Variants in CCDC7 observed in about 807,000 individuals in gnomAD.
CCDC7 encodes coiled-coil domain containing 7, also known as coiled-coil domain-containing protein 7.
CCDC7 carries 183 observed loss-of-function variants against 196.9 expected under a neutral mutation model. That is an observed-to-expected ratio of 0.93 (90% confidence interval 0.82 to 1.05). The LOEUF is 1.05. CCDC7 is among the 50% of genes least tolerant of loss of function. The pLI, the probability that CCDC7 is intolerant of heterozygous loss-of-function variation, is 0.00. For synonymous variants in CCDC7, 525 were observed against 484.6 expected (o/e 1.08, Z -1.10); for missense variants, 1,540 against 1,482.2 (o/e 1.04, Z -0.64).
intron 5 of CCDC7, among the ~76,000 whole-genome samples, chr10:32,466,650 C>T (rs1299551948): frequency 6.6e-6 from 1 of 152,162 alleles, no homozygotes; most frequent in African/African-American, 2.4e-5. Context: ...ATATGTACCA[C>T]GTTTTCTTTA....
chr10:32,625,806 A>G (rs2063966059), intron 18 of CCDC7, among the ~76,000 whole-genome samples: 1 of 149,790 alleles, frequency 6.7e-6, no homozygotes, highest in Non-Finnish European at 1.5e-5. Flanking sequence ...TTCCACATGT[A>G]AGTGAAAACA....
intron 3 of CCDC7, among the ~76,000 whole-genome samples, chr10:32,457,677 A>G (rs1006165981): frequency 7.2e-5 from 11 of 152,148 alleles, no homozygotes; most frequent in African/African-American, 2.7e-4. Flanking sequence ...TTTTCTCTGC[A>G]TCCTTGTCAG....
intron 20 of CCDC7, among the ~76,000 whole-genome samples, chr10:32,640,605 T>G (rs1485354914): frequency 1.3e-5 from 2 of 152,172 alleles, no homozygotes; most frequent in Admixed American, 6.5e-5. Flanking sequence ...TCCTAGCCTC[T>G]ATGGTCTTTA....
chr10:32,571,946 A>G (rs2057616294), intron 16 of CCDC7, 53 bp downstream of exon 17: 1 of 1,485,422 alleles, frequency 6.7e-7, no homozygotes, highest in East Asian at 2.5e-5. Flanking sequence ...TTATCAGTTC[A>G]CATACCTAAG....
intron 18 of CCDC7, among the ~76,000 whole-genome samples, chr10:32,625,040 T>C (rs906331013): frequency 7.0e-6 from 1 of 142,006 alleles, no homozygotes; most frequent in African/African-American, 2.6e-5. Context: ...GAGGTTCTAC[T>C]TGTTTATTTT....
At position 32,643,937 on chromosome 10, in the gene CCDC7, C is replaced by T. The variant is rs2067299501; in HGVS notation, c.2014+8779C>T. The stretch of plus-strand genomic sequence containing the variant: ...CATTTAATTGAATTGTGGTCTTTTA[C>T]TTAAATTTTTATAAAAATGAATGGA... On this transcript the variant is annotated intron_variant, in intron 20 of 41. Transcript: ENST00000639629. 4.6e-5 allele frequency among the ~76,000 whole-genome samples: 7 copies of T among 151,372 alleles called. No homozygotes were observed. In the South Asian group the frequency reaches 1.5e-3, roughly 32 times the overall value.
At chr10:32,540,913 T>C (rs1488887020) in intron 11 of CCDC7, among the ~76,000 whole-genome samples, 2 of 152,172 alleles carry the variant, frequency 1.3e-5, no homozygotes, top group Non-Finnish European at 1.5e-5. Flanking sequence ...TTGAATGTTG[T>C]CCTCTCTAGC....
chr10:32,836,369 C>T (rs930879654), intron 33 of CCDC7, among the ~76,000 whole-genome samples: 1 of 152,046 alleles, frequency 6.6e-6, no homozygotes, highest in African/African-American at 2.4e-5. Context: ...AAATCAATAT[C>T]TAGATTTTTC....
exon 41 of CCDC7, chr10:32,854,456 G>A: frequency 6.2e-7 from 1 of 1,605,944 alleles, no homozygotes; most frequent in Non-Finnish European, 8.5e-7. Flanking sequence ...TCTGCCTACT[G>A]TGACCAATAC....
intron 41 of CCDC7, 38 bp from the exon 43 acceptor site, chr10:32,876,309 A>C: frequency 1.3e-6 from 2 of 1,529,538 alleles, no homozygotes; most frequent in Non-Finnish European, 1.8e-6. Context: ...GAGTAAAATT[A>C]AACTTTTTTT....
At chr10:32,723,847 C>T (rs2082739224) in intron 25 of CCDC7, among the ~76,000 whole-genome samples, 2 of 152,034 alleles carry the variant, frequency 1.3e-5, no homozygotes, top group South Asian at 2.1e-4. Context: ...TGAGTCTCAA[C>T]AATTTGCTGC....
At chr10:32,704,971 G>T (rs373093209) in intron 24 of CCDC7, among the ~76,000 whole-genome samples, 3 of 152,134 alleles carry the variant, frequency 2.0e-5, no homozygotes, top group African/African-American at 7.2e-5. Context: ...CGGGTGAGGC[G>T]ATGCCTCGCC....
intron 28 of CCDC7, among the ~76,000 whole-genome samples, chr10:32,755,943 A>G (rs2076369858): frequency 6.6e-6 from 1 of 152,226 alleles, no homozygotes; most frequent in Non-Finnish European, 1.5e-5. Flanking sequence ...CCATGGCACG[A>G]GAACTATGTG....
chr10:32,718,749 C>T (rs1046999299), intron 25 of CCDC7, among the ~76,000 whole-genome samples: 1 of 151,956 alleles, frequency 6.6e-6, no homozygotes, highest in African/African-American at 2.4e-5. Context: ...AGAGAGCCAA[C>T]TCATGAGTGA....
intron 8 of CCDC7, among the ~76,000 whole-genome samples, chr10:32,488,099 C>T (rs1037225210): frequency 2.0e-5 from 3 of 152,230 alleles, no homozygotes; most frequent in Non-Finnish European, 4.4e-5. Flanking sequence ...TCTACAGAGG[C>T]AGACAGGCCT....
At chr10:32,756,062 G>A (rs1458120326) in intron 28 of CCDC7, among the ~76,000 whole-genome samples, 1 of 152,098 alleles carries the variant, frequency 6.6e-6, no homozygotes, top group Non-Finnish European at 1.5e-5. Context: ...AGAGAAAAAA[G>A]AATAAAAAGA....
At chr10:32,794,929 G>A (rs762174837) in intron 29 of CCDC7, among the ~76,000 whole-genome samples, 9 of 152,114 alleles carry the variant, frequency 5.9e-5, no homozygotes, top group Admixed American at 3.3e-4. Context: ...GGCTAGAGAC[G>A]TCCCTTCCTT....
intron 21 of CCDC7, among the ~76,000 whole-genome samples, chr10:32,669,348 T>G (rs777333804): frequency 2.6e-5 from 4 of 152,120 alleles, no homozygotes; most frequent in Non-Finnish European, 5.9e-5. Flanking sequence ...GCCTTTGTCT[T>G]TTCTTGTAGT....
chr10:32,655,699 A>G (rs2069690436), intron 20 of CCDC7, among the ~76,000 whole-genome samples: 1 of 151,980 alleles, frequency 6.6e-6, no homozygotes, highest in Admixed American at 6.6e-5. Context: ...GCGTGCCACC[A>G]TGTCCAGCTA....
Sources: gnomAD v4.1 joint callset for allele counts (sites outside exome capture counted in the v4.1 genomes callset) on GRCh38, gnomAD v4.1.1 for gene constraint, MANE v1.5 for transcripts, NCBI Gene and HGNC (gene_info 2026-07-23, HGNC 2026-07-21) for gene names.